RBMS3: variants seen among roughly 807,000 people sequenced by gnomAD.
RBMS3 encodes the protein RNA-binding motif, single-stranded-interacting protein 3.
A neutral mutation model predicts 66.8 loss-of-function variants in RBMS3; 27 were observed. The observed-to-expected ratio is 0.40, with a 90% CI of 0.30 to 0.56. The LOEUF is 0.56. Ranked by LOEUF, RBMS3 falls within the 20% of genes least tolerant of loss-of-function variation. The probability of loss-of-function intolerance (pLI) is 0.40; values close to 1 mark genes in which losing one functional copy is unlikely to be tolerated. For missense variants in RBMS3, 513 were observed against 549.5 expected (o/e 0.93, Z 0.66); for synonymous variants, 188 against 183.0 (o/e 1.03, Z -0.22).
intron 13 of RBMS3, among the ~76,000 whole-genome samples, chr3:29,990,427 C>T (rs563556444): frequency 4.3e-4 from 62 of 144,048 alleles, no homozygotes; most frequent in East Asian, 1.7e-3. Context: ...TGACCAATTC[C>T]GGAAATCCAC....
intron 6 of RBMS3, among the ~76,000 whole-genome samples, chr3:29,835,952 C>A (rs979601838): frequency 2.0e-5 from 3 of 151,084 alleles, no homozygotes; most frequent in African/African-American, 4.9e-5. Flanking sequence ...GAACAGACAC[C>A]ACAAAAATAA....
intron 7 of RBMS3, among the ~76,000 whole-genome samples, chr3:29,879,223 G>C (rs2059682380): frequency 6.6e-6 from 1 of 152,062 alleles, no homozygotes; most frequent in African/African-American, 2.4e-5. Flanking sequence ...TTTGTATCGT[G>C]ACTTGTTCAC....
chr3:29,453,962 A>T (rs551801323), intron 2 of RBMS3, among the ~76,000 whole-genome samples: 2 of 152,220 alleles, frequency 1.3e-5, no homozygotes, highest in African/African-American at 2.4e-5. Context: ...AAACTGGCCC[A>T]CAAGATAGAG....
chr3:29,685,971 C>G (rs1178044910), intron 4 of RBMS3, among the ~76,000 whole-genome samples: 3 of 152,126 alleles, frequency 2.0e-5, no homozygotes, highest in East Asian at 1.9e-4. Flanking sequence ...CAAAGTGGGC[C>G]CAAATTAAAG....
chr3:29,530,192 TTGTC>T (rs977131505), intron 3 of RBMS3, among the ~76,000 whole-genome samples: 2 of 152,184 alleles, frequency 1.3e-5, no homozygotes, highest in South Asian at 2.1e-4. Flanking sequence ...TTTAGGCTGT[TTGTC>T]TGAGAAATAA....
intron 12 of RBMS3, among the ~76,000 whole-genome samples, chr3:29,987,404 A>G (rs913494678): frequency 6.6e-6 from 1 of 152,230 alleles, no homozygotes; most frequent in Non-Finnish European, 1.5e-5. Context: ...CATTGCAAAA[A>G]TACAACTTAT....
chr3:29,898,731 A>ATGTGTGTGTG (rs1265286069), intron 9 of RBMS3, among the ~76,000 whole-genome samples: 3 of 112,318 alleles, frequency 2.7e-5, no homozygotes, highest in Admixed American at 8.7e-5. Flanking sequence ...CCTGGTTGTA[A>ATGTGTGTGTG]TGTGCGTGTG....
chr3:29,926,790 T>C (rs1172989192), intron 10 of RBMS3: 2 of 152,186 alleles, frequency 1.3e-5, no homozygotes, highest in African/African-American at 2.4e-5. Context: ...CTGCATCCGA[T>C]GTGTGCTTGA....
At chr3:29,484,528 C>CA (rs2043251618) in intron 2 of RBMS3, among the ~76,000 whole-genome samples, 1 of 152,174 alleles carries the variant, frequency 6.6e-6, no homozygotes, top group South Asian at 2.1e-4. Context: ...TCTCCAAATA[C>CA]AGTCACATTC....
At chr3:29,717,953 A>T (rs534409287) in intron 4 of RBMS3, among the ~76,000 whole-genome samples, 1 of 152,206 alleles carries the variant, frequency 6.6e-6, no homozygotes, top group South Asian at 2.1e-4. Context: ...TTGTGAAGAG[A>T]CCTATTGTCA....
chr3:29,705,960 A>G (rs552825871), intron 4 of RBMS3, among the ~76,000 whole-genome samples: 13 of 152,200 alleles, frequency 8.5e-5, no homozygotes, highest in Admixed American at 3.3e-4. Flanking sequence ...TTATTCAACA[A>G]AACAGCAGGT....
intron 12 of RBMS3, among the ~76,000 whole-genome samples, chr3:29,983,609 G>A (rs1004809288): frequency 1.9e-4 from 29 of 152,092 alleles, no homozygotes; most frequent in African/African-American, 4.8e-4. Flanking sequence ...AGGCAGGCTC[G>A]GTGGTGATGA....
At chr3:29,747,399 TAGATAG>T (rs2054962225) in intron 5 of RBMS3, among the ~76,000 whole-genome samples, 1 of 41,032 alleles carries the variant, frequency 2.4e-5, no homozygotes, top group South Asian at 7.1e-4. Flanking sequence ...GGTAGATAGA[TAGATAG>T]ATAGATAGAT....
At chr3:29,585,113 T>C (rs542484324) in intron 3 of RBMS3, among the ~76,000 whole-genome samples, 2 of 152,122 alleles carry the variant, frequency 1.3e-5, no homozygotes, top group Non-Finnish European at 2.9e-5. Context: ...CACCACTATA[T>C]ACCCTTTGCT....
intron 3 of RBMS3, among the ~76,000 whole-genome samples, chr3:29,573,319 C>T (rs909706043): frequency 3.3e-5 from 5 of 152,066 alleles, no homozygotes; most frequent in East Asian, 1.9e-4. Flanking sequence ...TGGGGTTTCA[C>T]CATGTTGGCC....
chr3:29,505,550 G>A (rs763757693), intron 3 of RBMS3, among the ~76,000 whole-genome samples: 3 of 148,600 alleles, frequency 2.0e-5, no homozygotes, highest in Non-Finnish European at 3.0e-5. Context: ...ACTCAAGATA[G>A]CTTTGGCTGT....
chr3:29,928,908 T>C (rs1332683871), intron 10 of RBMS3, among the ~76,000 whole-genome samples: 2 of 152,218 alleles, frequency 1.3e-5, no homozygotes, highest in African/African-American at 2.4e-5. Flanking sequence ...TCATTAGTTA[T>C]GCGATTGGAA....
Position 29,602,119 on chromosome 3 carries a change from C to T in RBMS3, c.399+14914C>T, listed in dbSNP as rs149336742. Among the ~76,000 whole-genome samples the T allele has an allele frequency of 8.1e-3, 1,238 of 152,116 alleles. 20 individuals carry two copies. Among genetic ancestry groups the T allele is most frequent in the African/African-American group, 0.028 (1,182 of 41,522 alleles). ...TCTTGCTGCGGGCAACTGAGTCCTC[C>T]AAATTTTAATAGAGTTTTGCCAGCA... On this transcript the variant is annotated intron_variant, in intron 4 of 14. Transcript: ENST00000383767.
intron 3 of RBMS3, among the ~76,000 whole-genome samples, chr3:29,510,484 C>A (rs866629559): frequency 1.3e-5 from 2 of 152,098 alleles, no homozygotes; most frequent in African/African-American, 4.8e-5. Flanking sequence ...TTTTCTATTG[C>A]CTATGTCAAA....
Sources: gnomAD v4.1 joint callset for allele counts (sites outside exome capture counted in the v4.1 genomes callset) on GRCh38, gnomAD v4.1.1 for gene constraint, MANE v1.5 for transcripts, NCBI Gene and HGNC (gene_info 2026-07-23, HGNC 2026-07-21) for gene names.